Variants in CES5A observed in about 807,000 individuals in gnomAD.
CES5A encodes carboxylesterase 5A.
A neutral mutation model predicts 62.9 loss-of-function variants in CES5A; 67 were observed. That is an observed-to-expected ratio of 1.07 (90% CI 0.88 to 1.31). The LOEUF is 1.31. Ranked by LOEUF, CES5A falls within the 50% of genes most tolerant of loss-of-function variation. The probability of loss-of-function intolerance (pLI) is 0.00; values close to 1 mark genes in which losing one functional copy is unlikely to be tolerated. For missense variants in CES5A, 748 were observed against 708.5 expected (o/e 1.06, Z -0.63); for synonymous variants, 296 against 280.8 (o/e 1.05, Z -0.54).
chr16:55,932,095 A>G (rs554771781), intron 2 of CES5A, among the ~76,000 whole-genome samples: 28 of 152,310 alleles, frequency 1.8e-4, no homozygotes, highest in African/African-American at 6.7e-4. Flanking sequence ...GGTTATCACA[A>G]GAGTGTGTCT....
At chr16:55,912,403 G>A (rs1390768091) in intron 1 of CES5A, among the ~76,000 whole-genome samples, 1 of 152,196 alleles carries the variant, frequency 6.6e-6, no homozygotes, top group Non-Finnish European at 1.5e-5. Context: ...GATTTTGTCT[G>A]CTAGGGTGGA....
intron 4 of CES5A, 146 bp downstream of exon 4, chr16:55,869,465 G>C (rs1431467396): frequency 7.4e-7 from 1 of 1,344,090 alleles, no homozygotes; most frequent in African/African-American, 1.5e-5. Context: ...ATCTGCTACA[G>C]CTGCAAAAAT....
intron 1 of CES5A, among the ~76,000 whole-genome samples, chr16:55,951,176 G>GA (rs1357306129): frequency 7.6e-6 from 1 of 132,402 alleles, no homozygotes; most frequent in Non-Finnish European, 1.6e-5. Flanking sequence ...AGGAAGAAGA[G>GA]AAAATTCTTC....
At chr16:55,864,787 T>C (rs1218303164) in intron 5 of CES5A, among the ~76,000 whole-genome samples, 2 of 152,154 alleles carry the variant, frequency 1.3e-5, no homozygotes, top group Non-Finnish European at 2.9e-5. Flanking sequence ...CGCATGCCTG[T>C]AGTCCTAGCT....
chr16:55,849,099 A>G lies in CES5A; in HGVS notation c.1423+525T>C, dbSNP rs143422058. 5.1e-3 allele frequency among the ~76,000 whole-genome samples: 783 copies of G among 152,292 alleles called. 9 individuals are homozygous for G. Among genetic ancestry groups the G allele is most frequent in the Middle Eastern group, 6.8e-3 (2 of 294 alleles). On this transcript the variant is annotated intron_variant, in intron 11 of 12. Transcript: ENST00000290567. ...TCCCTGTAATTTTTTTCTATTGATA[A>G]CCTCATCTGATTGGTTTATTTTAGG...
chr16:55,949,684 G>T (rs186157312), intron 2 of CES5A: 1 of 436,938 alleles, frequency 2.3e-6, no homozygotes, highest in Non-Finnish European at 4.0e-6. Flanking sequence ...GGGAATTCCC[G>T]GTGGAAGTAT....
chr16:55,936,530 C>T (rs2034377602), intron 2 of CES5A, among the ~76,000 whole-genome samples: 1 of 152,180 alleles, frequency 6.6e-6, no homozygotes, highest in Non-Finnish European at 1.5e-5. Flanking sequence ...CACCGGGTTT[C>T]TCCAGCTGGC....
At chr16:55,955,293 A>C (rs528267102) in intron 1 of CES5A, among the ~76,000 whole-genome samples, 1 of 152,340 alleles carries the variant, frequency 6.6e-6, no homozygotes, top group Admixed American at 6.5e-5. Flanking sequence ...AGTCAAAAAA[A>C]AATTTTTTTA....
chr16:55,908,503 G>A (rs1423642743), intron 1 of CES5A, among the ~76,000 whole-genome samples: 1 of 152,174 alleles, frequency 6.6e-6, no homozygotes, highest in Non-Finnish European at 1.5e-5. Flanking sequence ...TGGGATTAGA[G>A]GCATGAGCCA....
chr16:55,951,685 A>G (rs897566120), intron 1 of CES5A, among the ~76,000 whole-genome samples: 3 of 152,196 alleles, frequency 2.0e-5, no homozygotes, highest in South Asian at 4.1e-4. Context: ...GCAAAGAACA[A>G]TGAAAGAAAG....
chr16:55,903,832 T>C (rs1455652526), intron 1 of CES5A, among the ~76,000 whole-genome samples: 2 of 152,180 alleles, frequency 1.3e-5, no homozygotes, highest in African/African-American at 4.8e-5. Context: ...AGAAATTGTC[T>C]AGTTGAGAGG....
chr16:55,941,635 A>G (rs2034447548), intron 2 of CES5A, among the ~76,000 whole-genome samples: 1 of 152,072 alleles, frequency 6.6e-6, no homozygotes, highest in Non-Finnish European at 1.5e-5. Context: ...TTATATGGAC[A>G]TGGAAAAGAA....
At chr16:55,898,548 C>A (rs1217939696) in intron 1 of CES5A, among the ~76,000 whole-genome samples, 2 of 152,180 alleles carry the variant, frequency 1.3e-5, no homozygotes, top group African/African-American at 2.4e-5. Context: ...CATAGACAAT[C>A]AATAAATATC....
At chr16:55,876,903 A>G (rs1480461014), upstream of CES5A, among the ~76,000 whole-genome samples, 1 of 152,102 alleles carries the variant, frequency 6.6e-6, no homozygotes, top group Non-Finnish European at 1.5e-5. Context: ...TGCTTCATGG[A>G]CTCGAGAACA....
chr16:55,945,385 G>A (rs1363053493), intron 2 of CES5A, among the ~76,000 whole-genome samples: 1 of 152,244 alleles, frequency 6.6e-6, no homozygotes, highest in Non-Finnish European at 1.5e-5. Flanking sequence ...TCTGACTCCA[G>A]GAGCGCTGCC....
At chr16:55,879,758 T>C (rs1217365569), upstream of CES5A, among the ~76,000 whole-genome samples, 1 of 151,838 alleles carries the variant, frequency 6.6e-6, no homozygotes, top group East Asian at 1.9e-4. Flanking sequence ...ACCTGGCTAA[T>C]TTTTTTTAAA....
chr16:55,852,801 C>T (rs763953762), intron 10 of CES5A, 80 bp downstream of exon 10: 9 of 1,482,726 alleles, frequency 6.1e-6, no homozygotes, highest in Admixed American at 1.9e-5. Context: ...AGAAGGCAGC[C>T]GCTCAGTAGA....
intron 2 of CES5A, among the ~76,000 whole-genome samples, chr16:55,948,697 A>G (rs2034522985): frequency 6.6e-6 from 1 of 152,188 alleles, no homozygotes; most frequent in African/African-American, 2.4e-5. Flanking sequence ...TTCCTTTCAC[A>G]GTGACAATTG....
chr16:55,901,488 G>A (rs1258239195), intron 1 of CES5A, among the ~76,000 whole-genome samples: 1 of 152,154 alleles, frequency 6.6e-6, no homozygotes, highest in East Asian at 1.9e-4. Context: ...TTAAAATAAA[G>A]CCCCTCAGCA....
Sources: allele counts gnomAD v4.1 joint callset (sites outside exome capture counted in the v4.1 genomes callset), GRCh38; gene constraint gnomAD v4.1.1; transcripts MANE v1.5; gene names NCBI Gene and HGNC (gene_info 2026-07-23, HGNC 2026-07-21).